Variants in ACTR3C observed in about 807,000 individuals in gnomAD.
ACTR3C encodes the protein actin related protein 3C.
A neutral mutation model predicts 26.3 loss-of-function variants in ACTR3C; 18 were observed. The ratio of observed to expected loss-of-function variants is 0.68; its 90% CI spans 0.47 to 1.01. The LOEUF is 1.01. Ranked by LOEUF, ACTR3C falls within the 50% of genes least tolerant of loss-of-function variation. The probability of loss-of-function intolerance (pLI) is 0.00; values close to 1 mark genes in which losing one functional copy is unlikely to be tolerated. For synonymous variants in ACTR3C, 55 were observed against 94.5 expected (o/e 0.58, Z 2.42); for missense variants, 184 against 250.7 (o/e 0.73, Z 1.80).
At chr7:150,262,793 GT>G in intron 6 of ACTR3C, among the ~76,000 whole-genome samples, 1 of 152,304 alleles carries the variant, frequency 6.6e-6, no homozygotes, top group South Asian at 2.1e-4. Context: ...GATTAGAGTA[GT>G]AGGAAAACAC....
At chr7:150,170,562 C>T in the ACTR3C span, among the ~76,000 whole-genome samples, 2 of 150,654 alleles carry the variant, frequency 1.3e-5, no homozygotes, top group South Asian at 4.1e-4. Flanking sequence ...GTCTCTAGGC[C>T]ACCCATCCCC....
At chr7:150,099,053 C>G in the ACTR3C span, among the ~76,000 whole-genome samples, 10,556 of 130,782 alleles carry the variant, frequency 0.081, 536 homozygotes, top group African/African-American at 0.12. Flanking sequence ...CCATGATGGC[C>G]TAATATGCCT....
At chr7:150,008,685 T>C in the ACTR3C span, among the ~76,000 whole-genome samples, 1 of 150,552 alleles carries the variant, frequency 6.6e-6, no homozygotes, top group East Asian at 1.9e-4. Context: ...GTGACCCATC[T>C]CACACTGAGA....
At chr7:150,221,158 C>A in the ACTR3C span, among the ~76,000 whole-genome samples, 5 of 152,246 alleles carry the variant, frequency 3.3e-5, no homozygotes, top group Non-Finnish European at 7.3e-5. Flanking sequence ...GAGGCCCGGT[C>A]GGTGCCATTG....
chr7:149,929,425 C>CAAAAAAAAAAA, the ACTR3C span, among the ~76,000 whole-genome samples: 1 of 49,128 alleles, frequency 2.0e-5, no homozygotes, highest in Non-Finnish European at 3.3e-5. Context: ...AAGATTCTGT[C>CAAAAAAAAAAA]AAAAAAAAAA....
At chr7:150,000,770 C>G in the ACTR3C span, 1 of 139,078 alleles carries the variant, frequency 7.2e-6, no homozygotes, top group African/African-American at 2.6e-5. Context: ...CCCTTCCCAG[C>G]CCGCAGCTCC....
At chr7:150,209,760 CACAA>C in the ACTR3C span, among the ~76,000 whole-genome samples, 1 of 147,982 alleles carries the variant, frequency 6.8e-6, no homozygotes, top group Non-Finnish European at 1.5e-5. Flanking sequence ...CACACACACA[CACAA>C]AATTAGCTGG....
chr7:150,080,732 G>C, the ACTR3C span, among the ~76,000 whole-genome samples: 1 of 152,258 alleles, frequency 6.6e-6, no homozygotes, highest in South Asian at 2.1e-4. Flanking sequence ...AGACACCAAA[G>C]TGAATGAAGG....
intron 6 of ACTR3C, among the ~76,000 whole-genome samples, chr7:150,252,283 T>C (rs1243462070): frequency 3.3e-5 from 5 of 152,310 alleles, no homozygotes; most frequent in South Asian, 2.1e-4. Context: ...TTGGAGAACA[T>C]GGACATATAA....
downstream of ACTR3C, among the ~76,000 whole-genome samples, chr7:150,239,534 C>CTATATA (rs1176995983): frequency 5.3e-4 from 63 of 118,358 alleles, no homozygotes; most frequent in African/African-American, 1.2e-3. Context: ...CTCTCTCTCT[C>CTATATA]TCTCTCTATA....
At chr7:150,151,181 T>C in the ACTR3C span, among the ~76,000 whole-genome samples, 1 of 131,774 alleles carries the variant, frequency 7.6e-6, no homozygotes, top group Non-Finnish European at 1.7e-5. Flanking sequence ...TTTTTCTATT[T>C]TTCTTAGTTT....
At chr7:150,021,937 A>C in the ACTR3C span, among the ~76,000 whole-genome samples, 5,767 of 151,650 alleles carry the variant, frequency 0.038, 233 homozygotes, top group African/African-American at 0.089. Context: ...GCGTGCGTGC[A>C]AGTGTCTTTT....
the ACTR3C span, among the ~76,000 whole-genome samples, chr7:150,041,645 C>T: frequency 6.8e-5 from 7 of 103,436 alleles, no homozygotes; most frequent in Admixed American, 1.1e-4. Context: ...CCTCCCCCCC[C>T]CTGCGATGAG....
chr7:150,163,364 GTATATATATATA>G, the ACTR3C span, among the ~76,000 whole-genome samples: 835 of 149,352 alleles, frequency 5.6e-3, 8 homozygotes, highest in African/African-American at 0.02. Context: ...GTGTGTGTGT[GTATATATATATA>G]TGTGTGTATG....
chr7:150,168,163 T>C, the ACTR3C span, among the ~76,000 whole-genome samples: 2 of 150,724 alleles, frequency 1.3e-5, no homozygotes, highest in Non-Finnish European at 2.9e-5. Context: ...CATGGCCTTG[T>C]CTAGGGCTGC....
the ACTR3C span, among the ~76,000 whole-genome samples, chr7:149,941,762 C>T: frequency 6.6e-6 from 1 of 152,154 alleles, no homozygotes; most frequent in African/African-American, 2.4e-5. Context: ...TGGGAGGACA[C>T]CCAAGACCTT....
the ACTR3C span, among the ~76,000 whole-genome samples, chr7:149,952,515 T>G: frequency 6.9e-6 from 1 of 145,680 alleles, no homozygotes; most frequent in African/African-American, 2.7e-5. Context: ...CAAAATACCA[T>G]AAATCAAATT....
At chr7:149,957,183 A>G in the ACTR3C span, among the ~76,000 whole-genome samples, 4 of 152,116 alleles carry the variant, frequency 2.6e-5, no homozygotes, top group African/African-American at 9.7e-5. Flanking sequence ...AAAGTAGTCA[A>G]GAGATCAAAT....
chr7:150,088,331 T>C, the ACTR3C span, among the ~76,000 whole-genome samples: 1 of 152,246 alleles, frequency 6.6e-6, no homozygotes, highest in Non-Finnish European at 1.5e-5. Flanking sequence ...TCTGGTCCTA[T>C]TATGCATTAG....
Sources: gnomAD v4.1 joint callset for allele counts (sites outside exome capture counted in the v4.1 genomes callset) on GRCh38, gnomAD v4.1.1 for gene constraint, MANE v1.5 for transcripts, NCBI Gene and HGNC (gene_info 2026-07-23, HGNC 2026-07-21) for gene names.